The following FGF14 variants were observed in gnomAD, a reference collection of about 807,000 sequenced individuals.
The protein encoded by FGF14 is fibroblast growth factor homologous factor 4.
Under a neutral mutation model 25.5 loss-of-function variants are expected in FGF14, and 5 were observed. The observed-to-expected ratio is 0.20, with a 90% CI of 0.10 to 0.41. The LOEUF is 0.41. FGF14 is among the 10% of genes least tolerant of loss of function. The pLI is 1.00. For synonymous variants in FGF14, 138 were observed against 118.3 expected (o/e 1.17, Z -1.08); for missense variants, 222 against 320.1 (o/e 0.69, Z 2.34).
chr13:102,148,080 G>A (rs1370379956), intron 1 of FGF14, among the ~76,000 whole-genome samples: 1 of 152,024 alleles, frequency 6.6e-6, no homozygotes, highest in East Asian at 1.9e-4. Context: ...GAGCCTCCAA[G>A]GCTATAAGAG....
At chr13:102,360,527 T>C (rs1486831711) in intron 1 of FGF14, among the ~76,000 whole-genome samples, 1 of 152,068 alleles carries the variant, frequency 6.6e-6, no homozygotes, top group Non-Finnish European at 1.5e-5. Context: ...ACAAATAAAA[T>C]AGTATCCCAT....
At chr13:101,876,655 TA>T (rs368408686) in intron 1 of FGF14, among the ~76,000 whole-genome samples, 1 of 152,330 alleles carries the variant, frequency 6.6e-6, no homozygotes, top group Non-Finnish European at 1.5e-5. Flanking sequence ...TCAGTGTGAC[TA>T]GCTGTATTAG....
intron 3 of FGF14, among the ~76,000 whole-genome samples, chr13:101,760,146 C>A (rs2139898844): frequency 6.6e-6 from 1 of 152,230 alleles, no homozygotes; most frequent in Non-Finnish European, 1.5e-5. Context: ...TTAGATGGAA[C>A]TATTTTTGAT....
intron 1 of FGF14, among the ~76,000 whole-genome samples, chr13:102,123,292 A>T (rs1188521108): frequency 6.6e-6 from 1 of 152,212 alleles, no homozygotes; most frequent in African/African-American, 2.4e-5. Flanking sequence ...TTTTCTTTTA[A>T]GCACTTTGCT....
intron 1 of FGF14, among the ~76,000 whole-genome samples, chr13:102,145,400 G>A (rs1223363268): frequency 1.3e-5 from 2 of 152,158 alleles, no homozygotes; most frequent in Non-Finnish European, 2.9e-5. Flanking sequence ...CATACCCATG[G>A]TGGCAGAGTG....
chr13:101,986,308 T>A (rs1164110513), intron 1 of FGF14, among the ~76,000 whole-genome samples: 2 of 152,118 alleles, frequency 1.3e-5, no homozygotes, highest in Non-Finnish European at 2.9e-5. Context: ...ACCTTTCCGG[T>A]TTGTGATGAT....
chr13:102,345,454 C>A (rs987316033), intron 1 of FGF14, among the ~76,000 whole-genome samples: 1 of 152,180 alleles, frequency 6.6e-6, no homozygotes, highest in Non-Finnish European at 1.5e-5. Flanking sequence ...AATAAAAATT[C>A]TCTCCATCCT....
intron 1 of FGF14, among the ~76,000 whole-genome samples, chr13:102,120,542 A>C (rs1224698899): frequency 1.3e-5 from 2 of 152,172 alleles, no homozygotes; most frequent in African/African-American, 4.8e-5. Context: ...GAAGCAGCAC[A>C]GATGTGTGTC....
intron 1 of FGF14, among the ~76,000 whole-genome samples, chr13:102,281,733 G>A (rs1378822236): frequency 1.3e-5 from 2 of 148,900 alleles, no homozygotes; most frequent in Non-Finnish European, 3.0e-5. Context: ...AAGTTCAGGG[G>A]TACTGAAATG....
chr13:102,317,354 T>C (rs1237207693), intron 1 of FGF14, among the ~76,000 whole-genome samples: 2 of 151,980 alleles, frequency 1.3e-5, no homozygotes, highest in African/African-American at 4.8e-5. Flanking sequence ...ATAGTGGTAA[T>C]AAGTATTAGA....
chr13:101,794,064 G>A (rs1015978797), intron 3 of FGF14, among the ~76,000 whole-genome samples: 7 of 151,980 alleles, frequency 4.6e-5, no homozygotes, highest in Non-Finnish European at 8.8e-5. Context: ...TCATAAATGG[G>A]TGCAGTTGGC....
intron 1 of FGF14, among the ~76,000 whole-genome samples, chr13:102,090,320 G>T (rs955777340): frequency 6.6e-6 from 1 of 152,104 alleles, no homozygotes; most frequent in Non-Finnish European, 1.5e-5. Context: ...TAATGACTTT[G>T]TCTCCTGTGC....
intron 1 of FGF14, among the ~76,000 whole-genome samples, chr13:102,339,506 A>G (rs1753656216): frequency 6.6e-6 from 1 of 152,208 alleles, no homozygotes; most frequent in South Asian, 2.1e-4. Context: ...GTAAAAATCT[A>G]CATCATATGC....
At chr13:102,226,958 G>A (rs965623918) in intron 1 of FGF14, among the ~76,000 whole-genome samples, 2 of 151,798 alleles carry the variant, frequency 1.3e-5, no homozygotes, top group African/African-American at 4.8e-5. Context: ...TCCTAGCCGG[G>A]AACATTAAGA....
At chr13:101,971,374 CTT>C (rs34042855) in intron 1 of FGF14, among the ~76,000 whole-genome samples, 4 of 146,430 alleles carry the variant, frequency 2.7e-5, no homozygotes, top group East Asian at 2.0e-4. Flanking sequence ...CAGCATATAA[CTT>C]TTTTTTTTTT....
At chr13:102,264,414 T>G (rs1056015229) in intron 1 of FGF14, among the ~76,000 whole-genome samples, 7 of 152,194 alleles carry the variant, frequency 4.6e-5, no homozygotes, top group Admixed American at 3.9e-4. Context: ...TTAAAAGTTC[T>G]GACCACTTCA....
At chr13:102,042,017 A>C (rs979535926) in intron 1 of FGF14, among the ~76,000 whole-genome samples, 1 of 152,162 alleles carries the variant, frequency 6.6e-6, no homozygotes, top group African/African-American at 2.4e-5. Flanking sequence ...AACACAACAA[A>C]ATGTTTGGTA....
At chr13:102,148,777 C>T (rs1470373304) in intron 1 of FGF14, among the ~76,000 whole-genome samples, 4 of 151,952 alleles carry the variant, frequency 2.6e-5, no homozygotes, top group South Asian at 2.1e-4. Context: ...GGCAACAGGG[C>T]GAGACTCAGT....
intron 1 of FGF14, among the ~76,000 whole-genome samples, chr13:102,152,461 G>A (rs2047128583): frequency 6.6e-6 from 1 of 152,206 alleles, no homozygotes; most frequent in African/African-American, 2.4e-5. Context: ...GTGTGTGTCT[G>A]TGTCATGATC....
Sources: allele counts gnomAD v4.1 joint callset (sites outside exome capture counted in the v4.1 genomes callset), GRCh38; gene constraint gnomAD v4.1.1; transcripts MANE v1.5; gene names NCBI Gene and HGNC (gene_info 2026-07-23, HGNC 2026-07-21).